IQCM: variants seen among roughly 807,000 people sequenced by gnomAD.
IQCM encodes IQ motif containing M.
Under a neutral mutation model 57.6 loss-of-function variants are expected in IQCM, and 45 were observed. That is an observed-to-expected ratio of 0.78 (90% CI 0.62 to 1.00). IQCM has a LOEUF of 1.00. Among genes scored for constraint, IQCM ranks in the 50% least tolerant of loss-of-function variants. IQCM has a pLI of 0.00. For synonymous variants in IQCM, 148 were observed against 158.9 expected (o/e 0.93, Z 0.51); for missense variants, 468 against 511.6 (o/e 0.91, Z 0.82).
chr4:149,727,531 T>C (rs1381367049), intron 5 of IQCM, among the ~76,000 whole-genome samples: 2 of 152,182 alleles, frequency 1.3e-5, no homozygotes, highest in African/African-American at 2.4e-5. Flanking sequence ...AAGGGAAAAC[T>C]AATGTGAAAT....
At chr4:149,475,479 ACT>A (rs1199637299) in intron 12 of IQCM, among the ~76,000 whole-genome samples, 1 of 152,080 alleles carries the variant, frequency 6.6e-6, no homozygotes, top group African/African-American at 2.4e-5. Flanking sequence ...GTGTTGAGAG[ACT>A]CTGGGCTAGA....
In IQCM at chr4:149,794,213, T is replaced by TTAAAG. The variant is rs561666352; in HGVS notation, c.-49+21093_-49+21097dup. Reference sequence around the variant, plus strand: ...GTAGGGCAGTATTGAGGATATTTCATTAAAGTACTGACTACTGAACAGCTG... The same window carrying TTAAAG: ...GTAGGGCAGTATTGAGGATATTTCATTAAAGTAAAGTACTGACTACTGAACAGCTG... On this transcript the variant is annotated intron_variant, in intron 2 of 13. Coordinates refer to ENST00000636793, the MANE Select transcript of IQCM (RefSeq NM_001363507.2). 5.1e-3 allele frequency among the ~76,000 whole-genome samples: 771 copies of TTAAAG among 152,310 alleles called. 7 individuals carry two copies. Among genetic ancestry groups the TTAAAG allele is most frequent in the African/African-American group, 0.017 (720 of 41,562 alleles).
chr4:149,514,039 T>C (rs76766522), intron 12 of IQCM, among the ~76,000 whole-genome samples: 1,774 of 152,210 alleles, frequency 0.012, 38 homozygotes, highest in Non-Finnish European at 0.013. Flanking sequence ...CACTCAAATA[T>C]ATCTTATACT....
chr4:149,396,636 CTA>C (rs1274865860), intron 13 of IQCM, among the ~76,000 whole-genome samples: 1 of 151,948 alleles, frequency 6.6e-6, no homozygotes, highest in Non-Finnish European at 1.5e-5. Context: ...TTGTTATTGA[CTA>C]TAGGTACAGT....
intron 5 of IQCM, among the ~76,000 whole-genome samples, chr4:149,729,958 T>C (rs1766311713): frequency 1.3e-5 from 2 of 152,204 alleles, no homozygotes; most frequent in Non-Finnish European, 2.9e-5. Flanking sequence ...GTTTATCTCA[T>C]GTTTATAATA....
At chr4:149,701,484 G>T (rs1763767981) in intron 5 of IQCM, among the ~76,000 whole-genome samples, 1 of 151,862 alleles carries the variant, frequency 6.6e-6, no homozygotes, top group Non-Finnish European at 1.5e-5. Context: ...TGAGAATAAA[G>T]GTTGTTTTTA....
chr4:149,656,847 C>CA (rs1260411479), intron 7 of IQCM, among the ~76,000 whole-genome samples: 1 of 151,934 alleles, frequency 6.6e-6, no homozygotes, highest in Non-Finnish European at 1.5e-5. Flanking sequence ...AACTTAACTA[C>CA]AAAAAAGTTC....
At chr4:149,727,367 C>T (rs1450013249) in intron 5 of IQCM, among the ~76,000 whole-genome samples, 2 of 152,172 alleles carry the variant, frequency 1.3e-5, no homozygotes, top group Non-Finnish European at 1.5e-5. Context: ...TTCATCAGGA[C>T]TAAAGCCTAA....
intron 13 of IQCM, among the ~76,000 whole-genome samples, chr4:149,432,126 A>G (rs1381468698): frequency 1.3e-5 from 2 of 151,838 alleles, no homozygotes; most frequent in Admixed American, 6.6e-5. Context: ...ATTTATAAGA[A>G]AGTATCAAAA....
rs1304160113 is a variant in IQCM, at chr4:149,594,640, A to G, written c.682-6643T>C. ...AAACTGCTTTAAATGTGTCCCAGAGATTCTGGTATGTTGTGTCTTTGTTCT... is the reference window on the plus strand; with the variant it reads ...AAACTGCTTTAAATGTGTCCCAGAGGTTCTGGTATGTTGTGTCTTTGTTCT... On this transcript the variant is annotated intron_variant, in intron 8 of 13. Coordinates refer to ENST00000636793, the MANE Select transcript of IQCM (RefSeq NM_001363507.2). Among the ~76,000 whole-genome samples, 5 of 152,214 alleles carry G rather than the reference A, an allele frequency of 3.3e-5. No homozygotes were observed. In the East Asian group the frequency reaches 9.7e-4, roughly 29 times the overall value.
intron 10 of IQCM, among the ~76,000 whole-genome samples, chr4:149,554,778 C>T (rs1749397663): frequency 6.6e-6 from 1 of 151,668 alleles, no homozygotes; most frequent in African/African-American, 2.4e-5. Flanking sequence ...CGGCTCACTG[C>T]AAGCTCCACC....
At chr4:149,481,701 G>GTTTTTTGTTTTTTTTTTTTT (rs1553975386) in intron 12 of IQCM, among the ~76,000 whole-genome samples, 1 of 51,550 alleles carries the variant, frequency 1.9e-5, no homozygotes, top group African/African-American at 7.6e-5. Context: ...TTCCAGTTTT[G>GTTTTTTGTTTTTTTTTTTTT]TTTTTTTTTT....
At chr4:149,470,527 G>A (rs1037846046) in intron 12 of IQCM, among the ~76,000 whole-genome samples, 1 of 152,136 alleles carries the variant, frequency 6.6e-6, no homozygotes, top group African/African-American at 2.4e-5. Context: ...AATAATGGGA[G>A]ACTTTGACAC....
At position 149,713,211 on chromosome 4, in the gene IQCM, AC is replaced by A. The variant is rs373178909; in HGVS notation, c.385+20032del. On this transcript the variant is annotated intron_variant, in intron 5 of 13. Transcript: ENST00000636793. Reference sequence around the variant, plus strand: ...TATTCCCTATCACCAACAACGCTGGACCCCCTACCAGGCCCTGTGATTCATC... The same window carrying A: ...TATTCCCTATCACCAACAACGCTGGACCCCTACCAGGCCCTGTGATTCATC... Among the ~76,000 whole-genome samples, 274 of 152,024 alleles carry A rather than the reference AC, an allele frequency of 1.8e-3. 4 individuals carry two copies. In the South Asian group the frequency reaches 0.02, roughly 11 times the overall value.
At chr4:149,788,365 A>G (rs1772268283) in intron 2 of IQCM, among the ~76,000 whole-genome samples, 1 of 152,156 alleles carries the variant, frequency 6.6e-6, no homozygotes, top group Non-Finnish European at 1.5e-5. Flanking sequence ...ACAAAAACAT[A>G]CAAATGACCA....
At chr4:149,655,163 A>C (rs1005752746) in intron 7 of IQCM, among the ~76,000 whole-genome samples, 3 of 152,168 alleles carry the variant, frequency 2.0e-5, no homozygotes, top group South Asian at 2.1e-4. Flanking sequence ...AAATACCTGT[A>C]ATCCACTTTC....
chr4:149,511,784 C>T (rs776730123), intron 12 of IQCM, among the ~76,000 whole-genome samples: 8 of 152,042 alleles, frequency 5.3e-5, no homozygotes, highest in Admixed American at 6.6e-5. Context: ...AGCATAGTGC[C>T]TGTTGCATAA....
chr4:149,503,048 AC>A (rs1743430410), intron 12 of IQCM, among the ~76,000 whole-genome samples: 1 of 151,734 alleles, frequency 6.6e-6, no homozygotes, highest in African/African-American at 2.4e-5. Flanking sequence ...CTCCAACTCT[AC>A]AAAAAAAAAA....
At chr4:149,696,692 G>A (rs182061654) in intron 5 of IQCM, among the ~76,000 whole-genome samples, 142 of 152,202 alleles carry the variant, frequency 9.3e-4, no homozygotes, top group Admixed American at 1.6e-3. Flanking sequence ...CTTTGAGTTA[G>A]CCAGAGCAGT....
Sources: gnomAD v4.1 joint callset for allele counts (sites outside exome capture counted in the v4.1 genomes callset) on GRCh38, gnomAD v4.1.1 for gene constraint, MANE v1.5 for transcripts, NCBI Gene and HGNC (gene_info 2026-07-23, HGNC 2026-07-21) for gene names.